Variants in ARMCX4 observed in about 807,000 individuals in gnomAD.
ARMCX4 encodes armadillo repeat-containing X-linked protein 4.
Under a neutral mutation model 34.7 loss-of-function variants are expected in ARMCX4, and 3 were observed. That is an observed-to-expected ratio of 0.09 (90% CI 0.04 to 0.22). The LOEUF (loss-of-function observed/expected upper bound fraction) is 0.22. Ranked by LOEUF, ARMCX4 falls within the 10% of genes least tolerant of loss-of-function variation. The pLI, the probability that ARMCX4 is intolerant of heterozygous loss-of-function variation, is 1.00. For synonymous variants in ARMCX4, 513 were observed against 632.8 expected (o/e 0.81, Z 2.84); for missense variants, 1,448 against 1,720.8 (o/e 0.84, Z 2.81).
intron 8 of ARMCX4, among the ~76,000 whole-genome samples, chrX:101,506,972 AT>A (rs1425366520): frequency 9.0e-6 from 1 of 110,974 alleles, no homozygotes; most frequent in Admixed American, 9.6e-5. Flanking sequence ...TTGCCTTTAT[AT>A]TTTTTATTAA....
chrX:101,503,151 TATA>T (rs1327560686), intron 7 of ARMCX4, among the ~76,000 whole-genome samples: 1 of 110,385 alleles, frequency 9.1e-6, no homozygotes, highest in Admixed American at 9.6e-5. Context: ...TTCCATGGTG[TATA>T]TGTGCCACAT....
At chrX:101,432,849 TGTATATATACAC>T (rs1265947554) in intron 2 of ARMCX4, among the ~76,000 whole-genome samples, 1 of 98,886 alleles carries the variant, frequency 1.0e-5, no homozygotes, top group African/African-American at 3.6e-5. Flanking sequence ...TATACATATG[TGTATATATACAC>T]GTATATATAC....
At chrX:101,527,605 G>C (rs1335295494) in intron 11 of ARMCX4, among the ~76,000 whole-genome samples, 3 of 111,407 alleles carry the variant, frequency 2.7e-5, no homozygotes, top group African/African-American at 9.8e-5. Context: ...AAGAAGAAAA[G>C]AGAGAAGAAT....
At chrX:101,529,843 G>A (rs1400955428) in intron 11 of ARMCX4, among the ~76,000 whole-genome samples, 1 of 111,769 alleles carries the variant, frequency 8.9e-6, no homozygotes, top group Non-Finnish European at 1.9e-5. Context: ...AACAGGTGCT[G>A]GAGAGGATGT....
intron 11 of ARMCX4, among the ~76,000 whole-genome samples, chrX:101,512,757 T>TACATATATATACACACATATATATATAC (rs2147703136): frequency 9.4e-6 from 1 of 106,038 alleles, no homozygotes; most frequent in Middle Eastern, 4.8e-3. Context: ...TGTGTATACA[T>TACATATATATACACACATATATATATAC]ACATATATAT....
At chrX:101,430,427 G>T (rs1435886587) in intron 2 of ARMCX4, among the ~76,000 whole-genome samples, 1 of 112,448 alleles carries the variant, frequency 8.9e-6, no homozygotes, top group Non-Finnish European at 1.9e-5. Context: ...GGATTTTGGA[G>T]AATGAGAAAA....
At chrX:101,463,826 T>G (rs1406836218) in intron 4 of ARMCX4, among the ~76,000 whole-genome samples, 4 of 110,854 alleles carry the variant, frequency 3.6e-5, no homozygotes, top group African/African-American at 1.3e-4. Flanking sequence ...CTTGCTTCAC[T>G]GCAACCTCCG....
downstream of ARMCX4, among the ~76,000 whole-genome samples, chrX:101,534,887 G>A (rs1556023119): frequency 2.7e-5 from 3 of 111,828 alleles, no homozygotes; most frequent in South Asian, 1.1e-3. Flanking sequence ...CTGACTGTCC[G>A]CTGCGCATTC....
At chrX:101,437,172 G>A (rs1428550923) in intron 2 of ARMCX4, among the ~76,000 whole-genome samples, 2 of 111,933 alleles carry the variant, frequency 1.8e-5, no homozygotes, top group East Asian at 5.6e-4. Context: ...AATGAGTTAG[G>A]GAGGATTCCC....
In ARMCX4 at chrX:101,516,705, A is replaced by G. The variant is rs1934752054; in HGVS notation, c.*1780+5650A>G. 2.7e-5 allele frequency: 3 copies of G among 111,276 alleles called. No homozygotes were observed. The Admixed American group carries it at 2.9e-4, about 11-fold the overall frequency. The allele number at this position is 111,276 out of a possible 1,213,427, so 9.2% of individuals were successfully genotyped here. A position where few individuals can be genotyped will look rare whatever the true frequency, so the allele number is the denominator to read the frequency against. ...CAGGACACACACCCCTCCTGCGCAG[A>G]TAACTCACAATCTTCTTGTGTCCAG... On this transcript the variant is annotated intron_variant and NMD_transcript_variant, in intron 11 of 12. Coordinates refer to the ARMCX4 transcript ENST00000354842.
At chrX:101,452,136 GT>G (rs1285766347), downstream of ARMCX4, among the ~76,000 whole-genome samples, 1 of 112,038 alleles carries the variant, frequency 8.9e-6, no homozygotes, top group African/African-American at 3.2e-5. Flanking sequence ...ATTTGGGGGT[GT>G]TATCCGATCT....
At chrX:101,497,620 A>G (rs1569339800), downstream of ARMCX4, among the ~76,000 whole-genome samples, 1 of 111,992 alleles carries the variant, frequency 8.9e-6, no homozygotes, top group Non-Finnish European at 1.9e-5. Context: ...AAGGAAGAAG[A>G]TGGATTCATA....
intron 2 of ARMCX4, among the ~76,000 whole-genome samples, chrX:101,433,396 A>G (rs143294120): frequency 9.1e-6 from 1 of 109,619 alleles, no homozygotes; most frequent in African/African-American, 3.4e-5. Flanking sequence ...ACATATATAC[A>G]TACATATAAA....
chrX:101,455,617 G>T (rs1438329285), intron 4 of ARMCX4, among the ~76,000 whole-genome samples: 1 of 111,217 alleles, frequency 9.0e-6, no homozygotes, highest in Non-Finnish European at 1.9e-5. Context: ...CTCCTCCATG[G>T]TTTATTATGA....
chrX:101,510,587 G>A (rs1556016175), intron 10 of ARMCX4, among the ~76,000 whole-genome samples: 1 of 111,468 alleles, frequency 9.0e-6, no homozygotes, highest in East Asian at 2.8e-4. Flanking sequence ...GAGGTTGGGG[G>A]TTATGTGATG....
At chrX:101,448,564 G>T (rs1931782892), downstream of ARMCX4, among the ~76,000 whole-genome samples, 1 of 111,467 alleles carries the variant, frequency 9.0e-6, no homozygotes, top group African/African-American at 3.3e-5. Flanking sequence ...GGGGTAAGAT[G>T]GTATCTCATT....
intron 2 of ARMCX4, among the ~76,000 whole-genome samples, chrX:101,421,203 C>CAAAAAA (rs545262345): frequency 5.1e-5 from 2 of 39,076 alleles, no homozygotes; most frequent in African/African-American, 8.5e-5. Context: ...AACTCTGTCT[C>CAAAAAA]AAAAAAAAAA....
At chrX:101,498,991 A>C (rs1459096579), downstream of ARMCX4, 3 of 111,982 alleles carry the variant, frequency 2.7e-5, no homozygotes, top group African/African-American at 9.7e-5. Context: ...ACTAGGGTTA[A>C]GCCACGCATA....
In ARMCX4 at chrX:101,492,388, A is replaced by G. The variant is rs868914775; in HGVS notation, c.3799A>G (p.Thr1267Ala). 4 of 1,152,366 alleles carry G rather than the reference A, an allele frequency of 3.5e-6. No individual in the cohort carries two copies. The highest frequency in any genetic ancestry group is 6.5e-5 in the East Asian group (2 of 30,613). 95.0% of individuals were successfully genotyped at this position (1,152,366 alleles called of 1,213,427 possible). A position where few individuals can be genotyped will look rare whatever the true frequency, so the allele number is the denominator to read the frequency against. ...VGEEAIGGSW[T>A]GAENQASEGS... Reference sequence around the variant, plus strand: ...GGAAGAGGCCATTGGAGGGTCCTGGACTGGGGCTGAGAACCAAGCCAGTGA... The same window carrying G: ...GGAAGAGGCCATTGGAGGGTCCTGGGCTGGGGCTGAGAACCAAGCCAGTGA... Residue 1267 changes from threonine (T) to alanine (A), a missense_variant, in exon 6 of 6, where the codon ACT becomes GCT. Transcript: ENST00000423738.
Sources: allele counts gnomAD v4.1 joint callset (sites outside exome capture counted in the v4.1 genomes callset), GRCh38; gene constraint gnomAD v4.1.1; transcripts MANE v1.5; gene names NCBI Gene and HGNC (gene_info 2026-07-23, HGNC 2026-07-21).